ZDHHC1: variants seen among roughly 807,000 people sequenced by gnomAD.
The protein encoded by ZDHHC1 is palmitoyltransferase ZDHHC1.
ZDHHC1 carries 45 observed loss-of-function variants against 46.9 expected under a neutral mutation model. That is an observed-to-expected ratio of 0.96 (90% CI 0.76 to 1.23). The LOEUF is 1.23. Ranked by LOEUF, ZDHHC1 falls within the 50% of genes most tolerant of loss-of-function variation. ZDHHC1 has a pLI of 0.00. For synonymous variants in ZDHHC1, 291 were observed against 286.0 expected (o/e 1.02, Z -0.18); for missense variants, 649 against 670.8 (o/e 0.97, Z 0.36).
chr16:67,394,872 C>T lies in ZDHHC1; in HGVS notation c.1187G>A (p.Arg396His). The stretch of plus-strand genomic sequence containing the variant: ...CGCGGAATCCGTCGACGAGCTGGAG[C>T]GGCGGCTGGGGGCCCTAGGCCCTGC... ...PASGPRAPSR[R>H]SSSSTDSADA... is the part of the protein sequence containing the mutation. The change falls in exon 12 of 12, where the codon CGC (arginine) becomes CAC (histidine). Residue 396 changes from arginine to histidine, a missense_variant. Physicochemically the swap from Arg to His is conservative, Grantham distance 29. Transcript: ENST00000565726. 1.9e-6 allele frequency: 3 copies of T among 1,567,746 alleles called. No homozygotes were observed. Among genetic ancestry groups the T allele is most frequent in the Non-Finnish European group, 2.6e-6 (3 of 1,159,060 alleles).
At chr16:67,403,946 A>G (rs1441814193) in intron 3 of ZDHHC1, among the ~76,000 whole-genome samples, 1 of 152,128 alleles carries the variant, frequency 6.6e-6, no homozygotes, top group Non-Finnish European at 1.5e-5. Flanking sequence ...GGAAGAAACC[A>G]TTAGAAATCT....
Position 67,395,075 on chromosome 16 carries a change from G to T in ZDHHC1, c.1105-13C>A, listed in dbSNP as rs766875350. 4 of 1,613,010 alleles carry T rather than the reference G, an allele frequency of 2.5e-6. No homozygotes were observed. Among genetic ancestry groups the T allele is most frequent in the Non-Finnish European group, 2.5e-6 (3 of 1,179,912 alleles). The stretch of plus-strand genomic sequence containing the variant: ...TCTTCCTCTTTTTCTGCAGAGACAC[G>T]GGGGAGCCTGAGGGCCCCACATCGC... On this transcript the variant is annotated splice_polypyrimidine_tract_variant and intron_variant, in intron 10 of 11. Transcript: ENST00000565726.
rs1171939916 is a variant in ZDHHC1, at chr16:67,399,451, G to T, written c.434C>A (p.Ala145Asp). The change falls in exon 5 of 12, where the codon GCT (alanine) becomes GAT (aspartate). Residue 145 changes from alanine to aspartate, a missense_variant. Transcript: ENST00000565726. ...GCAGGCGCTGCAGTGCTTGGAGCGA[G>T]CGCTCCTGCAGGGAGAGGGGGCACA... ...HCNLCNVDVSARSKHCSACNK... is the reference protein window; with the variant it reads ...HCNLCNVDVSDRSKHCSACNK... 6 of 1,611,804 alleles carry T rather than the reference G, an allele frequency of 3.7e-6. No individual in the cohort carries two copies. The South Asian group carries it at 6.6e-5, about 18-fold the overall frequency.
intron 9 of ZDHHC1, 33 bp from the exon 10 acceptor site, chr16:67,395,313 C>T (rs1319211401): frequency 1.3e-6 from 2 of 1,501,638 alleles, no homozygotes; most frequent in East Asian, 2.4e-5. Flanking sequence ...AGCCTGGGGC[C>T]TGTTCCCCAA....
In ZDHHC1 at chr16:67,399,527, G is replaced by A. The variant is rs903436244; in HGVS notation, c.429-71C>T. On this transcript the variant is annotated intron_variant, in intron 4 of 11. Transcript: ENST00000565726. ...CTCTGCGGCCCGGCCGGTCGGGGTG[G>A]TTGAGTGGGGTCTGTGGAGGGACCA... 3.8e-6 allele frequency: 5 copies of A among 1,326,112 alleles called. No individual in the cohort carries two copies. In the African/African-American group the frequency reaches 7.3e-5, roughly 19 times the overall value. 82.1% of individuals were successfully genotyped at this position (1,326,112 alleles called of 1,614,324 possible). A position where few individuals can be genotyped will look rare whatever the true frequency, so the allele number is the denominator to read the frequency against.
At chr16:67,399,303 C>T (rs2040498608) in intron 5 of ZDHHC1, 52 bp downstream of exon 5, 1 of 1,496,342 alleles carries the variant, frequency 6.7e-7, no homozygotes, top group African/African-American at 1.4e-5. Context: ...TCTGTGGCTC[C>T]CACCCTCAGA....
chr16:67,406,492 G>A lies in ZDHHC1; in HGVS notation c.10-50C>T, dbSNP rs1420679789. 4 of 1,456,280 alleles carry A rather than the reference G, an allele frequency of 2.7e-6. No individual in the cohort carries two copies. Among genetic ancestry groups the A allele is most frequent in the East Asian group, 5.0e-5 (2 of 40,136 alleles). The allele number at this position is 1,456,280 out of a possible 1,614,324, so 90.2% of individuals were successfully genotyped here. On this transcript the variant is annotated intron_variant, in intron 2 of 11. Coordinates refer to ENST00000565726, the MANE Select transcript of ZDHHC1 (RefSeq NM_001323627.2). The surrounding 1 kb of genome is among the most constrained non-coding windows in gnomAD (Gnocchi z 4.1). ...GAGCATTAGCCCAAGAAGCTGGGCT[G>A]GAGCCCAGGGCCTGTGTCTGCAGCC...
chr16:67,409,374 C>A (rs1469217336), intron 1 of ZDHHC1, among the ~76,000 whole-genome samples: 1 of 152,088 alleles, frequency 6.6e-6, no homozygotes, highest in Non-Finnish European at 1.5e-5. Flanking sequence ...AATCAGGATA[C>A]CCCCGATACT....
At chr16:67,409,413 G>T (rs2040715600) in intron 1 of ZDHHC1, among the ~76,000 whole-genome samples, 1 of 152,216 alleles carries the variant, frequency 6.6e-6, no homozygotes, top group Non-Finnish European at 1.5e-5. Context: ...GGGAGCACTT[G>T]TCTGAGGCTG....
In ZDHHC1 at chr16:67,398,680, A is replaced by C. The variant is rs1211921545; in HGVS notation, c.707T>G (p.Val236Gly). The change falls in exon 7 of 12, where the codon GTG (valine) becomes GGG (glycine). Residue 236 changes from valine (V) to glycine (G), a missense_variant. Val to Gly is a moderately radical substitution (Grantham distance 109). Transcript: ENST00000565726. Reference protein sequence around the residue: ...VWFVFLPAAPVETQAPAILAL... With the variant: ...VWFVFLPAAPGETQAPAILAL... ...CAGGATGGCAGGGGCCTGGGTCTCC[A>C]CGGGGGCGGCAGGCAGGAACACGAA... The C allele has an allele frequency of 6.2e-7, 1 of 1,608,016 alleles. No individual in the cohort carries two copies. Among genetic ancestry groups the C allele is most frequent in the Non-Finnish European group, 8.5e-7 (1 of 1,178,094 alleles).
rs781736163 is a variant in ZDHHC1 at position 67,394,866 on chromosome 16, C to A, written c.1193G>T (p.Ser398Ile). The change falls in exon 12 of 12, where the codon AGC becomes ATC. Residue 398 changes from serine (S) to isoleucine (I), a missense_variant. Coordinates refer to ENST00000565726, the MANE Select transcript of ZDHHC1 (RefSeq NM_001323627.2). ...SGPRAPSRRS[S>I]SSTDSADASP... ...GGCGTCCGCGGAATCCGTCGACGAG[C>A]TGGAGCGGCGGCTGGGGGCCCTAGG... is the stretch of plus-strand genomic sequence containing the variant. 2 of 1,567,912 alleles carry A rather than the reference C, an allele frequency of 1.3e-6. No homozygotes were observed. Among genetic ancestry groups the A allele is most frequent in the Non-Finnish European group, 1.7e-6 (2 of 1,159,260 alleles).
At position 67,394,961 on chromosome 16, in the gene ZDHHC1, C is replaced by T. The variant is rs763816243; in HGVS notation, c.1165+41G>A. 4 of 1,579,562 alleles carry T rather than the reference C, an allele frequency of 2.5e-6. No individual in the cohort carries two copies. The Admixed American group carries it at 7.1e-5, about 28-fold the overall frequency. On this transcript the variant is annotated intron_variant, in intron 11 of 11. Coordinates refer to ENST00000565726, the MANE Select transcript of ZDHHC1 (RefSeq NM_001323627.2). The stretch of plus-strand genomic sequence containing the variant: ...CTTGTGGCTCTGCCTTCCCCTCCCT[C>T]GAGTTCCCAGAGCAGGACCCGGACA...
Position 67,399,003 on chromosome 16 carries a change from AG to A in ZDHHC1, c.531-60del, listed in dbSNP as rs1321142167. 4 of 1,584,280 alleles carry A rather than the reference AG, an allele frequency of 2.5e-6. No individual in the cohort carries two copies. In the African/African-American group the frequency reaches 5.4e-5, roughly 21 times the overall value. On this transcript the variant is annotated intron_variant, in intron 5 of 11. Transcript: ENST00000565726. ...GGAGCTCCAGCCTCAGAAGGCCCAT[AG>A]GAGTTGGGGCTGTAGGGTCATTGCT...
chr16:67,399,693 G>A (rs937192904), intron 4 of ZDHHC1, among the ~76,000 whole-genome samples: 5 of 152,112 alleles, frequency 3.3e-5, no homozygotes, highest in African/African-American at 1.2e-4. Context: ...GGGTAAGGAG[G>A]TGCACCCCTC....
At chr16:67,403,586 C>T (rs1354912406) in intron 3 of ZDHHC1, among the ~76,000 whole-genome samples, 1 of 151,516 alleles carries the variant, frequency 6.6e-6, no homozygotes, top group African/African-American at 2.4e-5. Flanking sequence ...GCCTTGACGC[C>T]ATGTTGAGCC....
chr16:67,398,941 G>C lies in ZDHHC1; in HGVS notation c.534C>G (p.Leu178=). The C allele has an allele frequency of 6.2e-7, 1 of 1,612,706 alleles. No individual in the cohort carries two copies. The highest frequency in any genetic ancestry group is 8.5e-7 in the Non-Finnish European group (1 of 1,179,510). Reference sequence around the variant, plus strand: ...AAGCGGATGCAACACTGTGTAGAAAGAGCCTGGGCCCAGCCATGGGTCGCT... The same window carrying C: ...AAGCGGATGCAACACTGTGTAGAAACAGCCTGGGCCCAGCCATGGGTCGCT... ...NNCVGERNYR[L]FLHSVASALL... The change falls in exon 6 of 12, where the codon CTC becomes CTG. Residue 178 remains leucine, a synonymous_variant. Coordinates refer to ENST00000565726, the MANE Select transcript of ZDHHC1 (RefSeq NM_001323627.2).
Position 67,398,746 on chromosome 16 carries a change from C to G in ZDHHC1, c.656-15G>C, listed in dbSNP as rs776293414. ...ATTCTTCAGGACTGCAAGGCACAGG[C>G]AGTGTGTGCTCAGCCGGGGACGTGA... On this transcript the variant is annotated splice_polypyrimidine_tract_variant and intron_variant, in intron 6 of 11. Transcript: ENST00000565726. 21 of 1,610,504 alleles carry G rather than the reference C, an allele frequency of 1.3e-5. No individual in the cohort carries two copies. The highest frequency in any genetic ancestry group is 1.8e-5 in the Non-Finnish European group (21 of 1,178,790).
Position 67,394,954 on chromosome 16 carries a change from C to A in ZDHHC1, c.1165+48G>T, listed in dbSNP as rs769498035. ...CGGCTCGCTTGTGGCTCTGCCTTCC[C>A]CTCCCTCGAGTTCCCAGAGCAGGAC... On this transcript the variant is annotated intron_variant, in intron 11 of 11. Transcript: ENST00000565726. The A allele has an allele frequency of 3.8e-6, 6 of 1,573,256 alleles. No homozygotes were observed. In the African/African-American group the frequency reaches 6.8e-5, roughly 18 times the overall value.
At position 67,395,066 on chromosome 16, in the gene ZDHHC1, CAG is replaced by C; in HGVS notation, c.1105-6_1105-5del. 1.2e-6 allele frequency: 2 copies of C among 1,613,326 alleles called. No homozygotes were observed. Among genetic ancestry groups the C allele is most frequent in the Non-Finnish European group, 1.7e-6 (2 of 1,179,934 alleles). On this transcript the variant is annotated splice_polypyrimidine_tract_variant and splice_region_variant and intron_variant, in intron 10 of 11. Transcript: ENST00000565726. Reference sequence around the variant, plus strand: ...ACACGCGCCTCTTCCTCTTTTTCTGCAGAGACACGGGGGAGCCTGAGGGCCCC... The same window carrying C: ...ACACGCGCCTCTTCCTCTTTTTCTGCAGACACGGGGGAGCCTGAGGGCCCC...
Sources: allele counts gnomAD v4.1 joint callset (sites outside exome capture counted in the v4.1 genomes callset), GRCh38; gene constraint gnomAD v4.1.1; non-coding constraint Gnocchi (gnomAD v3.1); transcripts MANE v1.5; gene names NCBI Gene and HGNC (gene_info 2026-07-23, HGNC 2026-07-21).